CHRM3: variants seen among roughly 807,000 people sequenced by gnomAD.
The protein encoded by CHRM3 is muscarinic acetylcholine receptor M3.
A neutral mutation model predicts 41.8 loss-of-function variants in CHRM3; 11 were observed. That is an observed-to-expected ratio of 0.26 (90% confidence interval 0.17 to 0.44). The LOEUF is 0.44. Among genes scored for constraint, CHRM3 ranks in the 20% least tolerant of loss-of-function variants. The pLI, the probability that CHRM3 is intolerant of heterozygous loss-of-function variation, is 1.00. For synonymous variants in CHRM3, 297 were observed against 301.4 expected, an observed-to-expected ratio of 0.99 and a Z score of 0.15; for missense variants, 571 against 745.4, an observed-to-expected ratio of 0.77 and a Z score of 2.72.
chr1:239,457,064 C>T (rs894518069), intron 1 of CHRM3, among the ~76,000 whole-genome samples: 9 of 152,230 alleles, frequency 5.9e-5, no homozygotes, highest in Middle Eastern at 3.4e-3. Flanking sequence ...TGTCATTCCC[C>T]GGAAATCCTC....
chr1:239,397,672 A>G (rs1250302908), intron 1 of CHRM3, among the ~76,000 whole-genome samples: 1 of 126,654 alleles, frequency 7.9e-6, no homozygotes, highest in Non-Finnish European at 1.6e-5. Context: ...ACTCTGTCTC[A>G]AAAAATACAT....
intron 5 of CHRM3, among the ~76,000 whole-genome samples, chr1:239,739,790 A>G (rs1319934688): frequency 6.6e-6 from 1 of 152,180 alleles, no homozygotes. Context: ...TTTCTTTAGC[A>G]ATCTAATGTT....
At chr1:239,680,178 G>A (rs184149620) in intron 5 of CHRM3, among the ~76,000 whole-genome samples, 25 of 152,018 alleles carry the variant, frequency 1.6e-4, no homozygotes, top group African/African-American at 5.1e-4. Flanking sequence ...TGTTCAATCC[G>A]TGCTTCATCC....
chr1:239,704,408 A>T (rs551203344), intron 5 of CHRM3: 1 of 152,290 alleles, frequency 6.6e-6, no homozygotes, highest in African/African-American at 2.4e-5. Context: ...TATTGATGAA[A>T]AAAAAGGAGG....
chr1:239,745,014 G>A (rs2148529345), intron 5 of CHRM3, among the ~76,000 whole-genome samples: 1 of 152,256 alleles, frequency 6.6e-6, no homozygotes, highest in Admixed American at 6.5e-5. Context: ...AAGGGGACAG[G>A]GAGGAGTCAG....
In CHRM3 at chr1:239,656,855, A is replaced by G. The variant is rs1467029645; in HGVS notation, c.-249-21331A>G. ...TTATTTCCAAAAGATATATTCCTTG[A>G]AATATGTTGGTGATTGTGCATATAA... On this transcript the variant is annotated intron_variant, in intron 4 of 6. Coordinates refer to ENST00000676153, the MANE Select transcript of CHRM3 (RefSeq NM_001375978.1). 4.6e-5 allele frequency among the ~76,000 whole-genome samples: 7 copies of G among 152,148 alleles called. 1 individual carries two copies.
chr1:239,571,232 C>T (rs1199056171), intron 3 of CHRM3, among the ~76,000 whole-genome samples: 1 of 152,180 alleles, frequency 6.6e-6, no homozygotes, highest in Non-Finnish European at 1.5e-5. Context: ...CACCTTCCCA[C>T]TACACCTTCC....
In CHRM3 at chr1:239,864,462, G is replaced by A. The variant is rs570118192; in HGVS notation, c.-20+37084G>A. On this transcript the variant is annotated intron_variant, in intron 6 of 6. Coordinates refer to ENST00000676153, the MANE Select transcript of CHRM3 (RefSeq NM_001375978.1). The stretch of plus-strand genomic sequence containing the variant: ...GCGGAGGTTGCGGTGAGCCGAGATC[G>A]TGCCATTGCACTCCAGCCTGGGCAA... Among the ~76,000 whole-genome samples, 13 of 152,054 alleles carry A rather than the reference G, an allele frequency of 8.5e-5. No individual in the cohort carries two copies. In the East Asian group the frequency reaches 1.6e-3, roughly 18 times the overall value.
intron 4 of CHRM3, among the ~76,000 whole-genome samples, chr1:239,632,882 A>C (rs774228918): frequency 6.6e-5 from 10 of 152,224 alleles, no homozygotes; most frequent in Non-Finnish European, 1.3e-4. Context: ...TTATAAACAA[A>C]AGAAGTTTAA....
chr1:239,490,416 T>C (rs774114798), intron 1 of CHRM3, among the ~76,000 whole-genome samples: 2 of 152,158 alleles, frequency 1.3e-5, no homozygotes, highest in Admixed American at 6.5e-5. Flanking sequence ...ATCCTCCTTC[T>C]CTGTAATGGT....
At chr1:239,420,752 C>A (rs1277512577) in intron 1 of CHRM3, among the ~76,000 whole-genome samples, 1 of 152,038 alleles carries the variant, frequency 6.6e-6, no homozygotes, top group Non-Finnish European at 1.5e-5. Flanking sequence ...AAGTTTTATG[C>A]TGATGGTTAG....
chr1:239,538,933 A>T (rs1400608928), intron 2 of CHRM3, among the ~76,000 whole-genome samples: 2 of 152,180 alleles, frequency 1.3e-5, no homozygotes, highest in African/African-American at 4.8e-5. Flanking sequence ...GTTATTTCTA[A>T]TGAAATATAA....
chr1:239,725,333 A>T (rs113765520), intron 5 of CHRM3, among the ~76,000 whole-genome samples: 84 of 152,064 alleles, frequency 5.5e-4, no homozygotes, highest in African/African-American at 2.0e-3. Context: ...TATGTTATCA[A>T]TGAGTAAACA....
chr1:239,746,009 G>T (rs557950220), intron 5 of CHRM3, among the ~76,000 whole-genome samples: 3 of 152,040 alleles, frequency 2.0e-5, no homozygotes, highest in East Asian at 3.9e-4. Context: ...CATTTAATTC[G>T]TAAAGGAACT....
At chr1:239,527,794 A>G (rs1385199176) in intron 2 of CHRM3, among the ~76,000 whole-genome samples, 1 of 152,248 alleles carries the variant, frequency 6.6e-6, no homozygotes, top group Non-Finnish European at 1.5e-5. Context: ...AACTTATCTC[A>G]GAGGCTTATG....
intron 3 of CHRM3, among the ~76,000 whole-genome samples, chr1:239,562,249 C>T (rs546285648): frequency 2.0e-5 from 3 of 152,074 alleles, no homozygotes; most frequent in South Asian, 4.2e-4. Context: ...GAGACAATAC[C>T]CAGTTATCTG....
At chr1:239,733,667 GATAAA>G (rs1664163224) in intron 5 of CHRM3, among the ~76,000 whole-genome samples, 1 of 151,874 alleles carries the variant, frequency 6.6e-6, no homozygotes. Flanking sequence ...AATATTTTGA[GATAAA>G]ATTAAAGGAT....
intron 1 of CHRM3, among the ~76,000 whole-genome samples, chr1:239,396,266 G>A (rs927597557): frequency 6.6e-6 from 1 of 151,850 alleles, no homozygotes; most frequent in Non-Finnish European, 1.5e-5. Context: ...GTGTTTTGTT[G>A]GTCTTTGACT....
At position 239,591,000 on chromosome 1, in the gene CHRM3, C is replaced by T. The variant is rs185720580; in HGVS notation, c.-312-41224C>T. On this transcript the variant is annotated intron_variant, in intron 3 of 6. Coordinates refer to ENST00000676153, the MANE Select transcript of CHRM3 (RefSeq NM_001375978.1). ...GTTGGCATTCATGGAAACAGTCTCC[C>T]CATCACAGTAAGTGTTAATGCTCAT... Among the ~76,000 whole-genome samples, 643 of 152,250 alleles carry T rather than the reference C, an allele frequency of 4.2e-3. 6 individuals are homozygous for T. The highest frequency in any genetic ancestry group is 5.0e-3 in the Non-Finnish European group (343 of 68,010).
Sources: allele counts gnomAD v4.1 joint callset (sites outside exome capture counted in the v4.1 genomes callset), GRCh38; gene constraint gnomAD v4.1.1; transcripts MANE v1.5; gene names NCBI Gene and HGNC (gene_info 2026-07-23, HGNC 2026-07-21).